ETV6: variants seen among roughly 807,000 people sequenced by gnomAD.
The protein encoded by ETV6 is transcription factor ETV6.
In ETV6, 16 loss-of-function variants were observed where a neutral mutation model predicts 51.1. That is an observed-to-expected ratio of 0.31 (90% CI 0.21 to 0.48). The LOEUF is 0.48. Ranked by LOEUF, ETV6 falls within the 20% of genes least tolerant of loss-of-function variation. The pLI is 0.99. For missense variants in ETV6, 458 were observed against 594.8 expected, an observed-to-expected ratio of 0.77 and a Z score of 2.39; for synonymous variants, 240 against 224.1, an observed-to-expected ratio of 1.07 and a Z score of -0.64.
chr12:11,866,302 A>G (rs1162248717), intron 4 of ETV6, among the ~76,000 whole-genome samples: 1 of 152,080 alleles, frequency 6.6e-6, no homozygotes, highest in Non-Finnish European at 1.5e-5. Context: ...TAGCTGCTGT[A>G]AAGTTTTTCT....
intron 2 of ETV6, among the ~76,000 whole-genome samples, chr12:11,763,496 A>G (rs1320805132): frequency 6.6e-6 from 1 of 152,244 alleles, no homozygotes; most frequent in Non-Finnish European, 1.5e-5. Context: ...GAGACCCACA[A>G]AAACCTAAAA....
At chr12:11,769,074 G>A in intron 2 of ETV6, 2 of 416,386 alleles carry the variant, frequency 4.8e-6, no homozygotes, top group South Asian at 1.8e-5. Flanking sequence ...ATCAAAACCA[G>A]TATTTATTGA....
chr12:11,816,632 T>G (rs1414791039), intron 2 of ETV6, among the ~76,000 whole-genome samples: 1 of 152,152 alleles, frequency 6.6e-6, no homozygotes, highest in African/African-American at 2.4e-5. Flanking sequence ...AGGAGAGACC[T>G]TAATGTATAC....
chr12:11,832,389 G>A (rs183270079), intron 2 of ETV6, among the ~76,000 whole-genome samples: 66 of 152,322 alleles, frequency 4.3e-4, no homozygotes, highest in East Asian at 7.7e-4. Context: ...CTCTTGGCCC[G>A]GACAAATGAC....
intron 1 of ETV6, among the ~76,000 whole-genome samples, chr12:11,694,321 T>C (rs1864831047): frequency 6.6e-6 from 1 of 152,206 alleles, no homozygotes; most frequent in Non-Finnish European, 1.5e-5. Context: ...GCCACTAATT[T>C]AGTATAAGGG....
At chr12:11,685,980 T>A (rs1314200454) in intron 1 of ETV6, among the ~76,000 whole-genome samples, 1 of 152,230 alleles carries the variant, frequency 6.6e-6, no homozygotes, top group East Asian at 1.9e-4. Context: ...ATTTTCTTTT[T>A]ACAAGAAAAT....
At chr12:11,835,986 G>T (rs1946309993) in intron 2 of ETV6, among the ~76,000 whole-genome samples, 1 of 152,338 alleles carries the variant, frequency 6.6e-6, no homozygotes, top group Non-Finnish European at 1.5e-5. Context: ...GTGTGAGCAT[G>T]CAGTTGAATG....
At chr12:11,732,179 G>T (rs770976934) in intron 1 of ETV6, among the ~76,000 whole-genome samples, 1 of 152,190 alleles carries the variant, frequency 6.6e-6, no homozygotes, top group African/African-American at 2.4e-5. Context: ...GCACACAGTC[G>T]CAGAACTAGT....
At chr12:11,849,569 A>C (rs981186380) in intron 3 of ETV6, among the ~76,000 whole-genome samples, 1 of 152,250 alleles carries the variant, frequency 6.6e-6, no homozygotes, top group Non-Finnish European at 1.5e-5. Context: ...AACCTGCTAT[A>C]GACAAGACAC....
intron 1 of ETV6, among the ~76,000 whole-genome samples, chr12:11,714,460 G>A (rs1319468462): frequency 4.6e-5 from 7 of 152,028 alleles, no homozygotes; most frequent in Non-Finnish European, 4.4e-5. Flanking sequence ...TTCTCTTCTA[G>A]CATGTATTTG....
intron 1 of ETV6, among the ~76,000 whole-genome samples, chr12:11,701,433 A>G (rs916392145): frequency 1.3e-5 from 2 of 152,156 alleles, no homozygotes; most frequent in Non-Finnish European, 2.9e-5. Context: ...AGGTTTATCC[A>G]TGTTGTAGCA....
intron 4 of ETV6, among the ~76,000 whole-genome samples, chr12:11,859,500 C>T (rs945922336): frequency 1.3e-5 from 2 of 152,006 alleles, no homozygotes; most frequent in Admixed American, 6.6e-5. Context: ...TGTTGTGTGC[C>T]GGCCCTGTTC....
At chr12:11,779,217 A>G (rs1461300052) in intron 2 of ETV6, among the ~76,000 whole-genome samples, 1 of 152,194 alleles carries the variant, frequency 6.6e-6, no homozygotes, top group African/African-American at 2.4e-5. Context: ...TCAGCCTTTC[A>G]TCATTTTAGA....
At position 11,868,743 on chromosome 12, in the gene ETV6, A is replaced by G. The variant is rs1946828539; in HGVS notation, c.464-681A>G. Among the ~76,000 whole-genome samples, 10 of 152,138 alleles carry G rather than the reference A, an allele frequency of 6.6e-5. 1 individual carries two copies. Among genetic ancestry groups the G allele is most frequent in the Admixed American group, 6.5e-4 (10 of 15,286 alleles). On this transcript the variant is annotated intron_variant, in intron 4 of 7. Coordinates refer to ENST00000396373, the MANE Select transcript of ETV6 (RefSeq NM_001987.5). Reference sequence around the variant, plus strand: ...GAATATGAAAATTTTAGTTGTGAAAATGTAAGTCAATGAAAGCATCTAGAG... The same window carrying G: ...GAATATGAAAATTTTAGTTGTGAAAGTGTAAGTCAATGAAAGCATCTAGAG...
chr12:11,752,137 T>G (rs1866042178), intron 1 of ETV6, among the ~76,000 whole-genome samples: 1 of 152,226 alleles, frequency 6.6e-6, no homozygotes, highest in Non-Finnish European at 1.5e-5. Context: ...CTCGCGGACG[T>G]ATTTTTTTTG....
chr12:11,733,561 G>C (rs1047983594), intron 1 of ETV6, among the ~76,000 whole-genome samples: 13 of 152,134 alleles, frequency 8.5e-5, no homozygotes, highest in Non-Finnish European at 4.4e-5. Flanking sequence ...ACAGGTAAAG[G>C]AGAGTAAGTG....
chr12:11,706,702 C>T (rs1261180967), intron 1 of ETV6, among the ~76,000 whole-genome samples: 4 of 152,250 alleles, frequency 2.6e-5, no homozygotes, highest in South Asian at 2.1e-4. Flanking sequence ...TCATACACCC[C>T]AGCTGCCCTT....
rs869173678 is a variant in ETV6, at chr12:11,858,404, A to AT, written c.463+4852dup. 7.0e-3 allele frequency among the ~76,000 whole-genome samples: 1,052 copies of AT among 149,962 alleles called. 18 individuals carry two copies. The highest frequency in any genetic ancestry group is 0.024 in the African/African-American group (984 of 40,744). ...TTTATCCCCTTAAATATATATATAT[A>AT]TTTTTTTTTAATTGTCATTTGTCCT... On this transcript the variant is annotated intron_variant, in intron 4 of 7. Coordinates refer to ENST00000396373, the MANE Select transcript of ETV6 (RefSeq NM_001987.5).
At chr12:11,684,371 T>C (rs1280903686) in intron 1 of ETV6, among the ~76,000 whole-genome samples, 1 of 152,254 alleles carries the variant, frequency 6.6e-6, no homozygotes, top group African/African-American at 2.4e-5. Context: ...GTTTTTTTCC[T>C]TTAATATTTT....
Sources: allele counts gnomAD v4.1 joint callset (sites outside exome capture counted in the v4.1 genomes callset), GRCh38; gene constraint gnomAD v4.1.1; transcripts MANE v1.5; gene names NCBI Gene and HGNC (gene_info 2026-07-23, HGNC 2026-07-21).